UBE2E2: variants seen among roughly 807,000 people sequenced by gnomAD.
UBE2E2 encodes the protein ubiquitin-conjugating enzyme E2 E2.
Under a neutral mutation model 24.7 loss-of-function variants are expected in UBE2E2, and 6 were observed. The ratio of observed to expected loss-of-function variants is 0.24; its 90% CI spans 0.13 to 0.48. The LOEUF is 0.48. Among genes scored for constraint, UBE2E2 ranks in the 20% least tolerant of loss-of-function variants. The pLI, the probability that UBE2E2 is intolerant of heterozygous loss-of-function variation, is 0.99. For synonymous variants in UBE2E2, 104 were observed against 83.6 expected (o/e 1.24, Z -1.33); for missense variants, 169 against 245.0 (o/e 0.69, Z 2.07).
chr3:23,537,096 T>C (rs887497767), intron 5 of UBE2E2, among the ~76,000 whole-genome samples: 6 of 152,176 alleles, frequency 3.9e-5, no homozygotes, highest in Non-Finnish European at 7.4e-5. Flanking sequence ...CTTAAGGTAA[T>C]CTGTAAGTGG....
intron 3 of UBE2E2, among the ~76,000 whole-genome samples, chr3:23,260,642 A>G (rs994724031): frequency 6.6e-6 from 1 of 152,066 alleles, no homozygotes; most frequent in African/African-American, 2.4e-5. Flanking sequence ...GTAAAACCCC[A>G]TCTCTACAAA....
At chr3:23,472,690 C>G (rs1699054521) in intron 3 of UBE2E2, among the ~76,000 whole-genome samples, 1 of 151,094 alleles carries the variant, frequency 6.6e-6, no homozygotes, top group African/African-American at 2.4e-5. Context: ...GCTCTGTCAC[C>G]CAGGCTGGAG....
At chr3:23,386,535 G>C (rs1559369003) in intron 3 of UBE2E2, among the ~76,000 whole-genome samples, 1 of 152,168 alleles carries the variant, frequency 6.6e-6, no homozygotes, top group Non-Finnish European at 1.5e-5. Flanking sequence ...TTCTGTAGAT[G>C]AATAATAAAA....
At chr3:23,258,591 G>T (rs1471282866) in intron 3 of UBE2E2, among the ~76,000 whole-genome samples, 1 of 152,070 alleles carries the variant, frequency 6.6e-6, no homozygotes. Flanking sequence ...TTTTGGTAAT[G>T]AGCTTATAAA....
rs939533171 is a variant in UBE2E2 at position 23,289,400 on chromosome 3, G to A, written c.227+72088G>A. 2.0e-5 allele frequency among the ~76,000 whole-genome samples: 3 copies of A among 152,160 alleles called. 1 individual carries two copies. Among genetic ancestry groups the A allele is most frequent in the African/African-American group, 7.2e-5 (3 of 41,428 alleles). On this transcript the variant is annotated intron_variant, in intron 3 of 5. Coordinates refer to ENST00000396703, the MANE Select transcript of UBE2E2 (RefSeq NM_152653.4). ...CTCAGTACAGTACTCACACAGTGAA[G>A]GTTTGTTACTTTAGCTGGCATTCTT...
intron 4 of UBE2E2, among the ~76,000 whole-genome samples, chr3:23,523,734 TA>T (rs769201290): frequency 6.6e-6 from 1 of 152,118 alleles, no homozygotes; most frequent in Non-Finnish European, 1.5e-5. Context: ...TTGTCACTAA[TA>T]AAAAATTAAT....
In UBE2E2 at chr3:23,389,023, A is replaced by C. The variant is rs538513506; in HGVS notation, c.228-110585A>C. Among the ~76,000 whole-genome samples, 5 of 152,076 alleles carry C rather than the reference A, an allele frequency of 3.3e-5. No homozygotes were observed. In the East Asian group the frequency reaches 7.7e-4, roughly 23 times the overall value. On this transcript the variant is annotated intron_variant, in intron 3 of 5. Transcript: ENST00000396703. ...TTTCCAAAAAAAAAAAAAAAAGAAAAAGAAAAAGAAAAAAACATAATTCAG... is the reference window on the plus strand; with the variant it reads ...TTTCCAAAAAAAAAAAAAAAAGAAACAGAAAAAGAAAAAAACATAATTCAG...
At chr3:23,315,595 G>A (rs1045424490) in intron 3 of UBE2E2, among the ~76,000 whole-genome samples, 5 of 152,002 alleles carry the variant, frequency 3.3e-5, no homozygotes, top group African/African-American at 9.7e-5. Context: ...CTGCCTCTCC[G>A]AGATTGGTCT....
chr3:23,517,931 A>ACTC (rs1346928765), intron 4 of UBE2E2, among the ~76,000 whole-genome samples: 1 of 152,158 alleles, frequency 6.6e-6, no homozygotes. Context: ...TCTTTTAGGG[A>ACTC]CAGGAGATTC....
intron 3 of UBE2E2, among the ~76,000 whole-genome samples, chr3:23,481,197 T>G (rs1699251877): frequency 1.3e-5 from 2 of 152,244 alleles, no homozygotes; most frequent in South Asian, 4.1e-4. Context: ...AAGATAGGAC[T>G]GTTGGTTGTC....
chr3:23,464,515 T>A (rs1305155907), intron 3 of UBE2E2, among the ~76,000 whole-genome samples: 2 of 152,182 alleles, frequency 1.3e-5, no homozygotes, highest in South Asian at 4.1e-4. Flanking sequence ...TATAAAGCTA[T>A]GCTTTAAGAG....
chr3:23,289,326 C>T (rs2125245390), intron 3 of UBE2E2, among the ~76,000 whole-genome samples: 1 of 152,288 alleles, frequency 6.6e-6, no homozygotes, highest in Non-Finnish European at 1.5e-5. Flanking sequence ...TAAGAGTTTG[C>T]TTGAAATCTT....
intron 3 of UBE2E2, among the ~76,000 whole-genome samples, chr3:23,454,860 A>ATTTGAG (rs1698641518): frequency 6.6e-6 from 1 of 152,174 alleles, no homozygotes; most frequent in South Asian, 2.1e-4. Context: ...TAAACTCAAA[A>ATTTGAG]TTTGAACTTT....
chr3:23,582,860 AGTGTGTGTGT>A (rs58053821), intron 5 of UBE2E2, among the ~76,000 whole-genome samples: 11 of 116,748 alleles, frequency 9.4e-5, no homozygotes, highest in Admixed American at 8.0e-4. Context: ...TATTCTGTTG[AGTGTGTGTGT>A]GTGTGTGTGT....
chr3:23,549,754 C>T (rs574809077), intron 5 of UBE2E2, among the ~76,000 whole-genome samples: 9 of 152,134 alleles, frequency 5.9e-5, no homozygotes, highest in Middle Eastern at 3.4e-3. Context: ...GAATTTCAAC[C>T]GGGCGCGGTG....
At chr3:23,514,228 A>G (rs1694676841) in intron 4 of UBE2E2, among the ~76,000 whole-genome samples, 1 of 152,156 alleles carries the variant, frequency 6.6e-6, no homozygotes, top group African/African-American at 2.4e-5. Flanking sequence ...TGAGAGGTAC[A>G]TTTTCTGACC....
At chr3:23,468,935 A>T (rs1698977599) in intron 3 of UBE2E2, among the ~76,000 whole-genome samples, 1 of 152,062 alleles carries the variant, frequency 6.6e-6, no homozygotes. Context: ...TATCAAAAAA[A>T]CTCTGTGGAT....
intron 3 of UBE2E2, among the ~76,000 whole-genome samples, chr3:23,261,867 A>G (rs1697910726): frequency 1.3e-5 from 2 of 152,084 alleles, no homozygotes; most frequent in African/African-American, 4.8e-5. Context: ...TTCTTTATTC[A>G]TTTATAGGTG....
At chr3:23,358,101 G>C (rs988737483) in intron 3 of UBE2E2, among the ~76,000 whole-genome samples, 4 of 152,180 alleles carry the variant, frequency 2.6e-5, no homozygotes, top group African/African-American at 9.7e-5. Context: ...CTCCCAAAAT[G>C]CTAGGCCAGG....
Sources: allele counts gnomAD v4.1 joint callset (sites outside exome capture counted in the v4.1 genomes callset), GRCh38; gene constraint gnomAD v4.1.1; transcripts MANE v1.5; gene names NCBI Gene and HGNC (gene_info 2026-07-23, HGNC 2026-07-21).